ME1: variants seen among roughly 807,000 people sequenced by gnomAD.
The protein encoded by ME1 is NADP-dependent malic enzyme.
A neutral mutation model predicts 66.4 loss-of-function variants in ME1; 74 were observed. The observed-to-expected ratio is 1.11, with a 90% confidence interval of 0.92 to 1.35. The LOEUF is 1.35. Among genes scored for constraint, ME1 ranks in the 40% most tolerant of loss-of-function variants. The pLI, the probability that ME1 is intolerant of heterozygous loss-of-function variation, is 0.00. For missense variants in ME1, 750 were observed against 694.1 expected, an observed-to-expected ratio of 1.08 and a Z score of -0.90; for synonymous variants, 251 against 235.6, an observed-to-expected ratio of 1.07 and a Z score of -0.60.
intron 6 of ME1, among the ~76,000 whole-genome samples, chr6:83,275,128 G>A (rs1767152816): frequency 2.6e-5 from 4 of 152,074 alleles, no homozygotes; most frequent in Admixed American, 2.6e-4. Context: ...GAGGTAAGGA[G>A]TTCAAGACCA....
chr6:83,300,798 A>C (rs1200128277), intron 6 of ME1, among the ~76,000 whole-genome samples: 1 of 152,090 alleles, frequency 6.6e-6, no homozygotes, highest in Non-Finnish European at 1.5e-5. Flanking sequence ...GAACCAACCC[A>C]AATGTCCATC....
chr6:83,418,702 A>G (rs980220439), intron 1 of ME1, among the ~76,000 whole-genome samples: 1 of 152,174 alleles, frequency 6.6e-6, no homozygotes, highest in African/African-American at 2.4e-5. Context: ...AACTACCCCA[A>G]CGAAACAGTG....
At chr6:83,250,143 G>T (rs1371045495) in intron 7 of ME1, among the ~76,000 whole-genome samples, 1 of 151,304 alleles carries the variant, frequency 6.6e-6, no homozygotes, top group Non-Finnish European at 1.5e-5. Context: ...TAGTCCGTTG[G>T]CTCTCTAGTT....
At chr6:83,272,107 T>C (rs1767091845) in intron 6 of ME1, among the ~76,000 whole-genome samples, 1 of 152,220 alleles carries the variant, frequency 6.6e-6, no homozygotes, top group Non-Finnish European at 1.5e-5. Context: ...CCTGTTTTGC[T>C]GTTAAATACT....
chr6:83,390,885 TATAC>T (rs540518943), intron 3 of ME1, among the ~76,000 whole-genome samples: 15 of 86,022 alleles, frequency 1.7e-4, no homozygotes, highest in Non-Finnish European at 4.3e-4. Flanking sequence ...TATATACATA[TATAC>T]ATACATAAAA....
chr6:83,236,306 T>A (rs370910806), intron 9 of ME1, among the ~76,000 whole-genome samples: 2 of 152,164 alleles, frequency 1.3e-5, no homozygotes, highest in East Asian at 1.9e-4. Context: ...ACTGTATACA[T>A]CTCTATCTCC....
At chr6:83,428,052 A>G (rs1438914584) in intron 1 of ME1, among the ~76,000 whole-genome samples, 1 of 152,022 alleles carries the variant, frequency 6.6e-6, no homozygotes, top group African/African-American at 2.4e-5. Context: ...GTTAGTAAAT[A>G]CAAAATTATA....
chr6:83,304,208 T>C (rs1767782601), intron 6 of ME1, among the ~76,000 whole-genome samples: 1 of 152,092 alleles, frequency 6.6e-6, no homozygotes, highest in South Asian at 2.1e-4. Context: ...GTTACAAATG[T>C]AGTAGTTGGT....
At chr6:83,353,317 G>A (rs1319643862) in intron 3 of ME1, among the ~76,000 whole-genome samples, 2 of 152,128 alleles carry the variant, frequency 1.3e-5, no homozygotes, top group African/African-American at 2.4e-5. Context: ...TTTGCTAAAT[G>A]TCTAAATTCA....
intron 6 of ME1, among the ~76,000 whole-genome samples, chr6:83,308,823 G>A (rs1767875551): frequency 1.3e-5 from 2 of 151,982 alleles, no homozygotes; most frequent in Admixed American, 1.3e-4. Flanking sequence ...ATAAATGTAT[G>A]AAAAGAGGAA....
intron 3 of ME1, among the ~76,000 whole-genome samples, chr6:83,387,181 A>G (rs1408645201): frequency 6.6e-6 from 1 of 152,170 alleles, no homozygotes; most frequent in East Asian, 1.9e-4. Context: ...ACCATACCAT[A>G]CAGTATATAA....
chr6:83,295,604 G>T (rs1417916197), intron 6 of ME1, among the ~76,000 whole-genome samples: 2 of 151,888 alleles, frequency 1.3e-5, no homozygotes, highest in East Asian at 1.9e-4. Flanking sequence ...CTGCCTCCTG[G>T]GTTCAAGCAA....
At chr6:83,324,691 T>C (rs1238270814) in intron 5 of ME1, among the ~76,000 whole-genome samples, 1 of 116,972 alleles carries the variant, frequency 8.5e-6, no homozygotes, top group African/African-American at 3.5e-5. Context: ...TCTAAAACTG[T>C]GGTATTAATT....
At chr6:83,312,170 T>C (rs1767942613) in intron 6 of ME1, among the ~76,000 whole-genome samples, 1 of 152,188 alleles carries the variant, frequency 6.6e-6, no homozygotes, top group South Asian at 2.1e-4. Flanking sequence ...AACTATGCAC[T>C]GGAGAAGGAC....
chr6:83,235,746 A>G (rs1790389345), intron 9 of ME1, among the ~76,000 whole-genome samples: 1 of 152,244 alleles, frequency 6.6e-6, no homozygotes, highest in Non-Finnish European at 1.5e-5. Context: ...TGCTGGGATT[A>G]TAGGCGTGAG....
At chr6:83,333,275 CA>C (rs1198488038) in intron 5 of ME1, among the ~76,000 whole-genome samples, 3 of 152,018 alleles carry the variant, frequency 2.0e-5, no homozygotes, top group Non-Finnish European at 4.4e-5. Context: ...TTCAAAAAAG[CA>C]ATTAAGATTA....
intron 6 of ME1, among the ~76,000 whole-genome samples, chr6:83,302,829 G>T (rs1767752133): frequency 6.6e-6 from 1 of 152,108 alleles, no homozygotes; most frequent in African/African-American, 2.4e-5. Context: ...GTGGAGGATG[G>T]CAGACAGGAA....
chr6:83,394,849 A>C (rs1007189177), intron 3 of ME1, among the ~76,000 whole-genome samples: 10 of 152,190 alleles, frequency 6.6e-5, no homozygotes, highest in Admixed American at 2.0e-4. Flanking sequence ...ATAATGAATA[A>C]GTAGTGCTAG....
chr6:83,420,447 G>C (rs1770242714), intron 1 of ME1, among the ~76,000 whole-genome samples: 1 of 152,178 alleles, frequency 6.6e-6, no homozygotes, highest in Non-Finnish European at 1.5e-5. Context: ...CAAAAGAGAA[G>C]CCTACGTTCC....
Sources: gnomAD v4.1 joint callset for allele counts (sites outside exome capture counted in the v4.1 genomes callset) on GRCh38, gnomAD v4.1.1 for gene constraint, MANE v1.5 for transcripts, NCBI Gene and HGNC (gene_info 2026-07-23, HGNC 2026-07-21) for gene names.